DLGAP2: variants seen among roughly 807,000 people sequenced by gnomAD.
DLGAP2 encodes the protein DLG associated protein 2, also known as disks large-associated protein 2.
DLGAP2 carries 26 observed loss-of-function variants against 100.3 expected under a neutral mutation model. The observed-to-expected ratio is 0.26, with a 90% CI of 0.19 to 0.36. DLGAP2 has a LOEUF of 0.36. DLGAP2 is among the 10% of genes least tolerant of loss of function. The pLI, the probability that DLGAP2 is intolerant of heterozygous loss-of-function variation, is 1.00. For missense variants in DLGAP2, 1,858 were observed against 1,453.2 expected, an observed-to-expected ratio of 1.28 and a Z score of -4.53; for synonymous variants, 886 against 630.1, an observed-to-expected ratio of 1.41 and a Z score of -6.08.
intron 3 of DLGAP2, among the ~76,000 whole-genome samples, chr8:1,433,009 G>A (rs973670243): frequency 2.6e-5 from 4 of 152,200 alleles, no homozygotes; most frequent in South Asian, 4.1e-4. Context: ...CTCCATGGAG[G>A]TGACCCCCAC....
At chr8:1,301,540 C>G (rs953767733) in intron 3 of DLGAP2, 1 of 152,102 alleles carries the variant, frequency 6.6e-6, no homozygotes, top group Non-Finnish European at 1.5e-5. Flanking sequence ...CGAACACTTT[C>G]ACTCTTTTTC....
intron 6 of DLGAP2, among the ~76,000 whole-genome samples, chr8:1,587,383 G>T (rs138889958): frequency 7.9e-5 from 12 of 151,942 alleles, no homozygotes; most frequent in African/African-American, 2.9e-4. Context: ...CTGGCTCTTG[G>T]GTGGATTTAT....
At chr8:1,382,548 C>A (rs954440080) in intron 3 of DLGAP2, among the ~76,000 whole-genome samples, 12 of 152,182 alleles carry the variant, frequency 7.9e-5, no homozygotes, top group African/African-American at 2.9e-4. Context: ...CCAACCTGGG[C>A]AACACAGTGA....
intron 3 of DLGAP2, among the ~76,000 whole-genome samples, chr8:1,389,218 G>A (rs1439052338): frequency 2.0e-5 from 3 of 152,072 alleles, no homozygotes; most frequent in Admixed American, 6.5e-5. Flanking sequence ...ATGCCATAAT[G>A]GGAGGAGCGG....
chr8:1,142,146 G>A (rs1288966226), intron 2 of DLGAP2, among the ~76,000 whole-genome samples: 1 of 151,272 alleles, frequency 6.6e-6, no homozygotes, highest in Non-Finnish European at 1.5e-5. Flanking sequence ...AAGTAAATTT[G>A]CATTTTATTT....
At position 898,893 on chromosome 8, in the gene DLGAP2, A is replaced by T. The variant is rs373540110; in HGVS notation, c.19-9019A>T. Among the ~76,000 whole-genome samples the T allele has an allele frequency of 1.7e-4, 26 of 152,226 alleles. 1 individual carries two copies. In the East Asian group the frequency reaches 3.1e-3, roughly 18 times the overall value. On this transcript the variant is annotated intron_variant, in intron 1 of 14. Transcript: ENST00000637795. ...CACTGGAGGGTGAGCCCTGCGCATC[A>T]GAGAATGTTTCTTGCACCAGCAGCG...
intron 1 of DLGAP2, among the ~76,000 whole-genome samples, chr8:827,826 C>A (rs1796709895): frequency 6.6e-6 from 1 of 152,082 alleles, no homozygotes; most frequent in South Asian, 2.1e-4. Context: ...GGGGACCTGC[C>A]CCGATAATCA....
intron 2 of DLGAP2, among the ~76,000 whole-genome samples, chr8:1,142,195 T>C (rs1796533069): frequency 6.6e-6 from 1 of 152,178 alleles, no homozygotes; most frequent in Non-Finnish European, 1.5e-5. Flanking sequence ...GAGGTTGCTA[T>C]ACAGTTTTTT....
rs181165286 is a variant in DLGAP2 at position 1,368,169 on chromosome 8, C to A, written c.106+109286C>A. On this transcript the variant is annotated intron_variant, in intron 3 of 14. Transcript: ENST00000637795. Reference sequence around the variant, plus strand: ...TGTATTTGTAGTGCACATACGTGTGCATGTGTGTGTGTATGTGCACGTGTG... The same window carrying A: ...TGTATTTGTAGTGCACATACGTGTGAATGTGTGTGTGTATGTGCACGTGTG... Among the ~76,000 whole-genome samples, 752 of 152,014 alleles carry A rather than the reference C, an allele frequency of 4.9e-3. 5 individuals carry two copies. The highest frequency in any genetic ancestry group is 0.017 in the African/African-American group (718 of 41,454).
At position 1,271,977 on chromosome 8, in the gene DLGAP2, G is replaced by C. The variant is rs1345092303; in HGVS notation, c.106+13094G>C. The stretch of plus-strand genomic sequence containing the variant: ...AGGTGTGTGCCAACACACCCAGCTA[G>C]TTTTTGGATTTTTTTTAGTAGAGAT... On this transcript the variant is annotated intron_variant, in intron 3 of 14. Coordinates refer to ENST00000637795, the MANE Select transcript of DLGAP2 (RefSeq NM_001346810.2). 2.0e-5 allele frequency among the ~76,000 whole-genome samples: 3 copies of C among 152,148 alleles called. No individual in the cohort carries two copies. In the East Asian group the frequency reaches 5.8e-4, roughly 29 times the overall value.
intron 3 of DLGAP2, among the ~76,000 whole-genome samples, chr8:1,370,645 T>G (rs1237717411): frequency 6.6e-6 from 1 of 152,196 alleles, no homozygotes; most frequent in Non-Finnish European, 1.5e-5. Context: ...TCACACCCAA[T>G]GAGGATTAGA....
intron 5 of DLGAP2, among the ~76,000 whole-genome samples, chr8:1,561,003 T>A (rs1265666013): frequency 6.6e-6 from 1 of 152,158 alleles, no homozygotes; most frequent in East Asian, 1.9e-4. Flanking sequence ...GCTCCCATAA[T>A]CCTCATGTGT....
chr8:1,165,683 C>T (rs1021787513), intron 2 of DLGAP2, among the ~76,000 whole-genome samples: 10 of 152,078 alleles, frequency 6.6e-5, no homozygotes, highest in Admixed American at 5.2e-4. Context: ...GTCGAATTTA[C>T]GTTTTTAGCT....
chr8:1,363,411 G>A (rs554742579), intron 3 of DLGAP2, among the ~76,000 whole-genome samples: 16 of 152,268 alleles, frequency 1.1e-4, no homozygotes, highest in South Asian at 4.1e-4. Context: ...CCTCCACGTC[G>A]CAGGTCAGGA....
chr8:858,698 A>G (rs1225456824), intron 1 of DLGAP2, among the ~76,000 whole-genome samples: 2 of 137,978 alleles, frequency 1.4e-5, no homozygotes, highest in African/African-American at 2.8e-5. Context: ...TGATGCTGTC[A>G]TTGTAGGGAC....
At chr8:1,513,601 A>G (rs927985264) in intron 4 of DLGAP2, among the ~76,000 whole-genome samples, 1 of 152,180 alleles carries the variant, frequency 6.6e-6, no homozygotes, top group Non-Finnish European at 1.5e-5. Context: ...TGAATTTCTA[A>G]CCTAAAAATT....
chr8:1,113,564 T>C (rs1360660413), intron 2 of DLGAP2, among the ~76,000 whole-genome samples: 1 of 152,224 alleles, frequency 6.6e-6, no homozygotes, highest in African/African-American at 2.4e-5. Flanking sequence ...CCTGCAACTC[T>C]GGTTAAGTTG....
intron 2 of DLGAP2, among the ~76,000 whole-genome samples, chr8:1,118,108 T>C (rs1795937085): frequency 6.6e-6 from 1 of 152,214 alleles, no homozygotes; most frequent in Non-Finnish European, 1.5e-5. Context: ...TGCATGTCAG[T>C]TGACAGAGGA....
chr8:794,078 G>A (rs1795977070), intron 1 of DLGAP2, among the ~76,000 whole-genome samples: 1 of 152,028 alleles, frequency 6.6e-6, no homozygotes, highest in African/African-American at 2.4e-5. Context: ...GCCGGCCTGT[G>A]CGTAGGGAGT....
Sources: gnomAD v4.1 joint callset for allele counts (sites outside exome capture counted in the v4.1 genomes callset) on GRCh38, gnomAD v4.1.1 for gene constraint, MANE v1.5 for transcripts, NCBI Gene and HGNC (gene_info 2026-07-23, HGNC 2026-07-21) for gene names.